TBC1D5: variants seen among roughly 807,000 people sequenced by gnomAD.
TBC1D5 encodes the protein TBC1 domain family member 5, also known as TBC1 domain family, member 5.
Under a neutral mutation model 100.3 loss-of-function variants are expected in TBC1D5, and 75 were observed. The ratio of observed to expected loss-of-function variants is 0.75; its 90% confidence interval spans 0.62 to 0.91. The LOEUF is 0.91. Among genes scored for constraint, TBC1D5 ranks in the 40% least tolerant of loss-of-function variants. The pLI, the probability that TBC1D5 is intolerant of heterozygous loss-of-function variation, is 0.00. For synonymous variants in TBC1D5, 323 were observed against 325.6 expected, an observed-to-expected ratio of 0.99 and a Z score of 0.09; for missense variants, 910 against 942.4, an observed-to-expected ratio of 0.97 and a Z score of 0.45.
chr3:17,639,542 A>T (rs146083444), intron 1 of TBC1D5, among the ~76,000 whole-genome samples: 4 of 152,014 alleles, frequency 2.6e-5, no homozygotes, highest in Admixed American at 2.6e-4. Flanking sequence ...ACTATTCCCC[A>T]TCCCTCACCA....
intron 2 of TBC1D5, among the ~76,000 whole-genome samples, chr3:17,552,337 A>G (rs1271587598): frequency 6.6e-6 from 1 of 152,160 alleles, no homozygotes; most frequent in Non-Finnish European, 1.5e-5. Flanking sequence ...TTTTGGAAAG[A>G]TTTCAAAGGA....
chr3:17,315,408 T>A (rs1008831630), intron 13 of TBC1D5, among the ~76,000 whole-genome samples: 1 of 152,214 alleles, frequency 6.6e-6, no homozygotes, highest in Non-Finnish European at 1.5e-5. Flanking sequence ...CCACTCCCCA[T>A]GTAGAAGCCC....
intron 4 of TBC1D5, among the ~76,000 whole-genome samples, chr3:17,408,171 C>T (rs1399457546): frequency 6.6e-6 from 1 of 151,886 alleles, no homozygotes; most frequent in East Asian, 1.9e-4. Flanking sequence ...CTCTGTGCCT[C>T]AGTTTCCTCA....
At chr3:17,597,668 T>C (rs1040249392) in intron 2 of TBC1D5, among the ~76,000 whole-genome samples, 3 of 152,196 alleles carry the variant, frequency 2.0e-5, no homozygotes, top group Non-Finnish European at 4.4e-5. Context: ...TCCAAGGTGT[T>C]CTAATAATTA....
intron 1 of TBC1D5, among the ~76,000 whole-genome samples, chr3:17,666,950 AT>A (rs905789917): frequency 6.6e-6 from 1 of 151,928 alleles, no homozygotes; most frequent in African/African-American, 2.4e-5. Flanking sequence ...ATTAGTCTGA[AT>A]TTTTTTTCAT....
chr3:17,391,430 T>C (rs1296579961), intron 8 of TBC1D5, among the ~76,000 whole-genome samples: 1 of 152,086 alleles, frequency 6.6e-6, no homozygotes, highest in Non-Finnish European at 1.5e-5. Context: ...CCAGCTATAC[T>C]GCTCCCAAAC....
At chr3:17,606,179 C>T (rs368989705) in intron 2 of TBC1D5, among the ~76,000 whole-genome samples, 2 of 152,158 alleles carry the variant, frequency 1.3e-5, no homozygotes, top group African/African-American at 4.8e-5. Flanking sequence ...GTGGCTCATG[C>T]CTGTGATATC....
chr3:17,458,049 A>G (rs1372155267), intron 3 of TBC1D5, among the ~76,000 whole-genome samples: 1 of 152,152 alleles, frequency 6.6e-6, no homozygotes, highest in Non-Finnish European at 1.5e-5. Flanking sequence ...TACTCAAAAA[A>G]GTTATTTACC....
At chr3:17,661,578 G>A (rs980385228) in intron 1 of TBC1D5, among the ~76,000 whole-genome samples, 1 of 149,048 alleles carries the variant, frequency 6.7e-6, no homozygotes, top group African/African-American at 2.5e-5. Flanking sequence ...TCAGCTCACT[G>A]CAACCTCCGC....
intron 9 of TBC1D5, 51 bp downstream of exon 9, chr3:17,383,862 G>T: frequency 7.1e-7 from 1 of 1,400,120 alleles, no homozygotes; most frequent in Non-Finnish European, 1.0e-6. Context: ...TTGTCAAGCT[G>T]TATAGAAAAT....
intron 4 of TBC1D5, 28 bp downstream of exon 4, chr3:17,428,422 T>A: frequency 1.8e-6 from 1 of 559,460 alleles, no homozygotes; most frequent in Non-Finnish European, 2.7e-6. Flanking sequence ...TATATATATA[T>A]ATATATATAT....
chr3:17,267,930 G>C (rs1039960606), intron 15 of TBC1D5, among the ~76,000 whole-genome samples: 6 of 152,014 alleles, frequency 3.9e-5, no homozygotes, highest in African/African-American at 1.4e-4. Context: ...TGCTTCCACT[G>C]TATTTTTTGT....
rs542117985 is a variant in TBC1D5 at position 17,497,549 on chromosome 3, A to C, written c.97+10925T>G. On this transcript the variant is annotated intron_variant, in intron 3 of 21. Transcript: ENST00000253692. ...GAATTTTCATAATCATCATGTCAACATTTCTGATTAAAAATCTATCCCTTC... is the reference window on the plus strand; with the variant it reads ...GAATTTTCATAATCATCATGTCAACCTTTCTGATTAAAAATCTATCCCTTC... Among the ~76,000 whole-genome samples the C allele has an allele frequency of 3.5e-3, 536 of 152,346 alleles. 1 individual carries two copies. The highest frequency in any genetic ancestry group is 6.0e-3 in the Non-Finnish European group (407 of 68,026).
chr3:17,190,722 C>G (rs967557276), intron 18 of TBC1D5, among the ~76,000 whole-genome samples: 1 of 152,090 alleles, frequency 6.6e-6, no homozygotes, highest in Non-Finnish European at 1.5e-5. Context: ...AATTCAAACT[C>G]CAGGGGAATA....
rs1265555235 is a variant in TBC1D5, at chr3:17,698,630, T to C, written c.-101+40713A>G. ...CAACCTACAAAATGGGAGAAAATTT[T>C]CGCAACCTACTCATCTGACAAAGGG... On this transcript the variant is annotated intron_variant, in intron 1 of 21. Transcript: ENST00000253692. 8.2e-5 allele frequency among the ~76,000 whole-genome samples: 12 copies of C among 146,608 alleles called. No individual in the cohort carries two copies. The East Asian group carries it at 2.3e-3, about 28-fold the overall frequency.
chr3:17,652,201 G>A (rs774311223), intron 1 of TBC1D5, among the ~76,000 whole-genome samples: 23 of 152,112 alleles, frequency 1.5e-4, no homozygotes, highest in Non-Finnish European at 2.5e-4. Context: ...GTCCTAAGTA[G>A]AGGACTTTCT....
intron 13 of TBC1D5, among the ~76,000 whole-genome samples, chr3:17,314,739 TG>T (rs752989140): frequency 2.4e-4 from 36 of 152,226 alleles, no homozygotes; most frequent in Admixed American, 4.6e-4. Flanking sequence ...TCCTGTTTCC[TG>T]TCGATATTTT....
At chr3:17,471,711 T>C (rs1396847481) in intron 3 of TBC1D5, among the ~76,000 whole-genome samples, 2 of 149,830 alleles carry the variant, frequency 1.3e-5, no homozygotes, top group African/African-American at 4.9e-5. Flanking sequence ...AATAAGCAAG[T>C]TGATATCCAG....
intron 2 of TBC1D5, among the ~76,000 whole-genome samples, chr3:17,566,616 T>G (rs919251141): frequency 5.9e-5 from 9 of 151,864 alleles, no homozygotes; most frequent in African/African-American, 2.2e-4. Context: ...CCAATAAATT[T>G]TAAATAAACT....
Sources: gnomAD v4.1 joint callset for allele counts (sites outside exome capture counted in the v4.1 genomes callset) on GRCh38, gnomAD v4.1.1 for gene constraint, MANE v1.5 for transcripts, NCBI Gene and HGNC (gene_info 2026-07-23, HGNC 2026-07-21) for gene names.